The following PARK7 variants were observed in gnomAD, a reference collection of about 807,000 sequenced individuals.
PARK7 encodes Parkinson disease protein 7.
Under a neutral mutation model 20.5 loss-of-function variants are expected in PARK7, and 14 were observed. That is an observed-to-expected ratio of 0.68 (90% CI 0.45 to 1.07). The LOEUF (loss-of-function observed/expected upper bound fraction) is 1.07. Among genes scored for constraint, PARK7 ranks in the 50% least tolerant of loss-of-function variants. PARK7 has a pLI of 0.00. For missense variants in PARK7, 234 were observed against 238.1 expected (o/e 0.98, Z 0.11); for synonymous variants, 98 against 84.3 (o/e 1.16, Z -0.89).
chr1:7,965,801 A>AT (rs923434810), intron 3 of PARK7, among the ~76,000 whole-genome samples: 1 of 151,940 alleles, frequency 6.6e-6, no homozygotes, highest in Non-Finnish European at 1.5e-5. Context: ...CACATTTTCC[A>AT]TTTTTTATTA....
chr1:7,982,560 C>T (rs541619728), intron 6 of PARK7, among the ~76,000 whole-genome samples: 1 of 152,064 alleles, frequency 6.6e-6, no homozygotes, highest in East Asian at 1.9e-4. Context: ...AACCTTTAAG[C>T]ATATTTAACC....
intron 6 of PARK7, among the ~76,000 whole-genome samples, chr1:7,981,857 A>C (rs1005689694): frequency 2.0e-5 from 3 of 149,092 alleles, no homozygotes; most frequent in Non-Finnish European, 4.4e-5. Flanking sequence ...ACGGGGTTTC[A>C]TCGTGTTAGC....
At chr1:7,972,701 C>A (rs1640490407) in intron 5 of PARK7, among the ~76,000 whole-genome samples, 1 of 152,106 alleles carries the variant, frequency 6.6e-6, no homozygotes, top group Non-Finnish European at 1.5e-5. Context: ...GTCAGGAGTT[C>A]AAAACCAGCC....
At chr1:7,965,707 A>G (rs139951000) in intron 3 of PARK7, among the ~76,000 whole-genome samples, 8 of 152,194 alleles carry the variant, frequency 5.3e-5, no homozygotes, top group Non-Finnish European at 8.8e-5. Context: ...GGATGGCTGC[A>G]TTGTTTTCCC....
chr1:7,974,598 C>T (rs1391657371), intron 5 of PARK7, among the ~76,000 whole-genome samples: 3 of 150,954 alleles, frequency 2.0e-5, no homozygotes, highest in Non-Finnish European at 4.4e-5. Flanking sequence ...CACTGCTCTC[C>T]AGCCTGGGCG....
chr1:7,981,292 T>G (rs226258), intron 6 of PARK7, among the ~76,000 whole-genome samples: 43,862 of 152,136 alleles, frequency 0.29, 7,859 homozygotes, highest in Non-Finnish European at 0.41. Context: ...ACCTAGCTTC[T>G]GTAACGCCAC....
intron 3 of PARK7, among the ~76,000 whole-genome samples, chr1:7,967,454 A>G (rs1286815149): frequency 6.6e-6 from 1 of 152,180 alleles, no homozygotes; most frequent in African/African-American, 2.4e-5. Context: ...GCTGGACCAT[A>G]TGGTAGTTCC....
chr1:7,975,772 T>C (rs191500108), intron 5 of PARK7, among the ~76,000 whole-genome samples: 1 of 152,360 alleles, frequency 6.6e-6, no homozygotes, highest in Non-Finnish European at 1.5e-5. Flanking sequence ...TGTGCTATCA[T>C]CTATTAAAGT....
At chr1:7,976,967 G>A (rs536979999) in intron 5 of PARK7, among the ~76,000 whole-genome samples, 6 of 152,224 alleles carry the variant, frequency 3.9e-5, no homozygotes, top group Middle Eastern at 3.4e-3. Flanking sequence ...TGATCCAGCC[G>A]CCTTGGCCTC....
chr1:7,962,790 C>CT lies in PARK7; in HGVS notation c.7dup (p.Ser3PhefsTer10). 6.3e-7 allele frequency: 1 copy of CT among 1,577,616 alleles called. No individual in the cohort carries two copies. The highest frequency in any genetic ancestry group is 1.1e-5 in the South Asian group (1 of 90,324). On this transcript the variant is annotated frameshift_variant, in exon 2 of 7. Coordinates refer to ENST00000338639, the MANE Select transcript of PARK7 (RefSeq NM_007262.5). LOFTEE classifies it high-confidence loss of function. The stretch of plus-strand genomic sequence containing the variant: ...TTGTAAACATATAACATAAAAATGG[C>CT]TTCCAAAAGAGCTCTGGTCATCCTG...
At chr1:7,970,516 G>A (rs561768813) in intron 4 of PARK7, among the ~76,000 whole-genome samples, 1 of 152,198 alleles carries the variant, frequency 6.6e-6, no homozygotes, top group Non-Finnish European at 1.5e-5. Flanking sequence ...GAAGTAAGAA[G>A]TGGGTTGTGT....
intron 6 of PARK7, among the ~76,000 whole-genome samples, chr1:7,981,806 C>T (rs1427126928): frequency 6.7e-6 from 1 of 150,364 alleles, no homozygotes; most frequent in Non-Finnish European, 1.5e-5. Context: ...CTACAGGTGC[C>T]CGCCACCACG....
At chr1:7,981,928 G>A (rs543091199) in intron 6 of PARK7, among the ~76,000 whole-genome samples, 1 of 148,256 alleles carries the variant, frequency 6.7e-6, no homozygotes, top group Admixed American at 6.8e-5. Context: ...CATGTGCTGG[G>A]ATTACAGGCG....
chr1:7,982,993 T>C (rs558224373), intron 6 of PARK7: 1 of 152,326 alleles, frequency 6.6e-6, no homozygotes, highest in Admixed American at 6.5e-5. Context: ...AGTGGCTTGG[T>C]TTCTAATGAC....
At position 7,984,829 on chromosome 1, in the gene PARK7, TA is replaced by T; in HGVS notation, c.410-63del. The T allele has an allele frequency of 6.3e-7, 1 of 1,578,632 alleles. No individual in the cohort carries two copies. Among genetic ancestry groups the T allele is most frequent in the Non-Finnish European group, 8.7e-7 (1 of 1,149,458 alleles). ...ATGCTGTAATAGTGAATTTAATTGG[TA>T]AGTAATCGTCTTTCTCGTCACATAG... is the stretch of plus-strand genomic sequence containing the variant. On this transcript the variant is annotated intron_variant, in intron 6 of 6. Transcript: ENST00000338639. The surrounding 1 kb of genome is among the most constrained non-coding windows in gnomAD (Gnocchi z 4.3).
At chr1:7,969,145 A>AG (rs1363370740) in intron 3 of PARK7, 200 bp from the exon 4 acceptor site, 1 of 559,182 alleles carries the variant, frequency 1.8e-6, no homozygotes, top group Admixed American at 3.1e-5. Context: ...GTCACTACAT[A>AG]CAGGTTTTCT....
chr1:7,972,955 C>G (rs1640495795), intron 5 of PARK7, among the ~76,000 whole-genome samples: 1 of 152,118 alleles, frequency 6.6e-6, no homozygotes, highest in Non-Finnish European at 1.5e-5. Context: ...GAGGCTGAGG[C>G]AGGAGAATCT....
chr1:7,962,604 TAACTA>T lies in PARK7; in HGVS notation c.-23-154_-23-150del, dbSNP rs1040325670. On this transcript the variant is annotated intron_variant, in intron 1 of 6. Coordinates refer to ENST00000338639, the MANE Select transcript of PARK7 (RefSeq NM_007262.5). ...ACTGCTATACAAATCAACGTTAAGA[TAACTA>T]AACTGCTGCTTTTTTCGTATTCAGT... Among the ~76,000 whole-genome samples the T allele has an allele frequency of 3.9e-5, 6 of 152,198 alleles. No individual in the cohort carries two copies. The East Asian group carries it at 5.8e-4, about 15-fold the overall frequency.
intron 3 of PARK7, 103 bp downstream of exon 3, chr1:7,965,528 G>C: frequency 9.8e-7 from 1 of 1,021,042 alleles, no homozygotes; most frequent in Non-Finnish European, 1.5e-6. Flanking sequence ...AAATTATTTT[G>C]CTTGAATGTC....
Sources: gnomAD v4.1 joint callset for allele counts (sites outside exome capture counted in the v4.1 genomes callset) on GRCh38, gnomAD v4.1.1 for gene constraint, Gnocchi (gnomAD v3.1) non-coding constraint, MANE v1.5 for transcripts, NCBI Gene and HGNC (gene_info 2026-07-23, HGNC 2026-07-21) for gene names.